The following HDAC4 variants were observed in gnomAD, a reference collection of about 807,000 sequenced individuals.
The protein encoded by HDAC4 is histone deacetylase A.
In HDAC4, 16 loss-of-function variants were observed where a neutral mutation model predicts 135.1. That is an observed-to-expected ratio of 0.12 (90% CI 0.08 to 0.18). The LOEUF (loss-of-function observed/expected upper bound fraction) is 0.18, where lower values mean the gene tolerates loss of function less well. HDAC4 is among the 10% of genes least tolerant of loss of function. The pLI is 1.00. For synonymous variants in HDAC4, 685 were observed against 653.4 expected, an observed-to-expected ratio of 1.05 and a Z score of -0.74; for missense variants, 1,143 against 1,511.8, an observed-to-expected ratio of 0.76 and a Z score of 4.05.
chr2:239,194,728 A>C (rs1404012275), intron 3 of HDAC4, among the ~76,000 whole-genome samples: 1 of 152,228 alleles, frequency 6.6e-6, no homozygotes, highest in Admixed American at 6.5e-5. Flanking sequence ...TGCAGACTGC[A>C]GCTGGGAAGC....
At chr2:239,158,010 C>T (rs1041333494) in intron 6 of HDAC4, among the ~76,000 whole-genome samples, 3 of 152,354 alleles carry the variant, frequency 2.0e-5, no homozygotes, top group Admixed American at 1.3e-4. Flanking sequence ...AGCAGCTTCT[C>T]GCTGTTTCCC....
At chr2:239,326,215 C>T (rs1230636337) in intron 2 of HDAC4, among the ~76,000 whole-genome samples, 1 of 152,064 alleles carries the variant, frequency 6.6e-6, no homozygotes, top group Non-Finnish European at 1.5e-5. Flanking sequence ...TCTGACCATG[C>T]CACAATACGA....
At chr2:239,286,414 G>A (rs1045367646) in intron 2 of HDAC4, among the ~76,000 whole-genome samples, 8 of 152,144 alleles carry the variant, frequency 5.3e-5, no homozygotes, top group Non-Finnish European at 1.2e-4. Flanking sequence ...CAAAAATGAA[G>A]GAGAGCCCAA....
chr2:239,388,939 T>C (rs1218528703), intron 1 of HDAC4, among the ~76,000 whole-genome samples: 1 of 152,208 alleles, frequency 6.6e-6, no homozygotes, highest in Non-Finnish European at 1.5e-5. Context: ...CACTGTGTGT[T>C]AGTCTCCACT....
intron 7 of HDAC4, among the ~76,000 whole-genome samples, chr2:239,145,489 G>A (rs1005482581): frequency 2.0e-5 from 3 of 152,324 alleles, no homozygotes; most frequent in South Asian, 2.1e-4. Context: ...CCAAACCTCC[G>A]GCGCGAGGCC....
chr2:239,164,866 C>T (rs2043031475), intron 5 of HDAC4, among the ~76,000 whole-genome samples: 1 of 152,176 alleles, frequency 6.6e-6, no homozygotes, highest in Admixed American at 6.5e-5. Context: ...GGCAAAGTGA[C>T]TACATCTAAC....
intron 6 of HDAC4, among the ~76,000 whole-genome samples, chr2:239,161,017 T>C (rs2042758820): frequency 6.6e-6 from 1 of 152,210 alleles, no homozygotes; most frequent in Non-Finnish European, 1.5e-5. Context: ...GCCGCAGTTT[T>C]GATTTGCATT....
rs2036867576 is a variant in HDAC4, at chr2:239,094,931, G to A, written c.2280+79C>T. 3 of 1,610,558 alleles carry A rather than the reference G, an allele frequency of 1.9e-6. No homozygotes were observed. In the Admixed American group the frequency reaches 5.0e-5, roughly 27 times the overall value. On this transcript the variant is annotated intron_variant, in intron 17 of 26. Coordinates refer to ENST00000543185, the MANE Select transcript of HDAC4 (RefSeq NM_001378414.1). ...CTGGCAGCAATTATTCACTTTGAGG[G>A]AAGCAAGGCTGCGATTTCTGTGACC...
At chr2:239,073,788 A>C (rs1436055750) in intron 22 of HDAC4, among the ~76,000 whole-genome samples, 1 of 152,100 alleles carries the variant, frequency 6.6e-6, no homozygotes, top group Non-Finnish European at 1.5e-5. Flanking sequence ...GAGGGGAGAA[A>C]TCAGTCTAGT....
chr2:239,110,325 C>T (rs2038556266), intron 14 of HDAC4, among the ~76,000 whole-genome samples: 2 of 152,206 alleles, frequency 1.3e-5, no homozygotes, highest in Admixed American at 1.3e-4. Context: ...TAAGAAAGGA[C>T]ACCAACGAAG....
intron 3 of HDAC4, among the ~76,000 whole-genome samples, chr2:239,198,710 C>G (rs1175725648): frequency 6.6e-6 from 1 of 152,206 alleles, no homozygotes; most frequent in Non-Finnish European, 1.5e-5. Flanking sequence ...TTGCCAGGCT[C>G]TCATTCGTGT....
At chr2:239,360,174 G>A (rs1233123564) in intron 1 of HDAC4, among the ~76,000 whole-genome samples, 1 of 152,218 alleles carries the variant, frequency 6.6e-6, no homozygotes, top group Non-Finnish European at 1.5e-5. Flanking sequence ...CACAGCCCTT[G>A]ACCAGGGAAG....
chr2:239,108,347 C>A (rs982722351), intron 14 of HDAC4, among the ~76,000 whole-genome samples, 164 bp from the exon 15 acceptor site: 2 of 152,234 alleles, frequency 1.3e-5, no homozygotes, highest in African/African-American at 2.4e-5. Flanking sequence ...GACTCCTTGA[C>A]TGGCCAGGCC....
intron 4 of HDAC4, among the ~76,000 whole-genome samples, chr2:239,179,746 A>G (rs2044021101): frequency 6.6e-6 from 1 of 152,228 alleles, no homozygotes; most frequent in African/African-American, 2.4e-5. Flanking sequence ...GGCAACCCCG[A>G]CAGAGTAGGG....
At chr2:239,383,168 C>G (rs4852062) in intron 1 of HDAC4, among the ~76,000 whole-genome samples, 131,516 of 152,176 alleles carry the variant, frequency 0.86, 56,896 homozygotes, top group East Asian at 0.94. Context: ...AAAGGCTCCC[C>G]TTGTCGAGGA....
intron 3 of HDAC4, among the ~76,000 whole-genome samples, chr2:239,234,926 A>C (rs2047796115): frequency 6.6e-6 from 1 of 152,214 alleles, no homozygotes; most frequent in Non-Finnish European, 1.5e-5. Flanking sequence ...CGCCTGGTTA[A>C]GCACAAGCAA....
At chr2:239,354,831 G>A (rs533635607) in intron 1 of HDAC4, among the ~76,000 whole-genome samples, 4 of 152,250 alleles carry the variant, frequency 2.6e-5, no homozygotes, top group African/African-American at 9.6e-5. Context: ...TTTTCTTGAA[G>A]GGAATGTAGA....
Position 239,400,949 on chromosome 2 carries a change from C to T in HDAC4, c.-220+29G>A, listed in dbSNP as rs1429627515. The stretch of plus-strand genomic sequence containing the variant: ...TCCGCGGCGGCGGCCCCACAACCTC[C>T]CCTCCTCATTCACAAAAAATTGACC... On this transcript the variant is annotated intron_variant, in intron 1 of 26. Coordinates refer to ENST00000543185, the MANE Select transcript of HDAC4 (RefSeq NM_001378414.1). The surrounding 1 kb of genome is among the most constrained non-coding windows in gnomAD (Gnocchi z 4.7). 6.6e-6 allele frequency: 1 copy of T among 151,598 alleles called. No homozygotes were observed. The highest frequency in any genetic ancestry group is 1.5e-5 in the Non-Finnish European group (1 of 67,576). 9.4% of individuals were successfully genotyped at this position (151,598 alleles called of 1,614,324 possible). A position where few individuals can be genotyped will look rare whatever the true frequency, so the allele number is the denominator to read the frequency against.
chr2:239,388,084 C>T lies in HDAC4; in HGVS notation c.-220+12894G>A, dbSNP rs967331288. Reference sequence around the variant, plus strand: ...CACCCACTGCAGAAACATGGCAGGACGCGGCTGGGCAGGTCCTCCCTGAAG... The same window carrying T: ...CACCCACTGCAGAAACATGGCAGGATGCGGCTGGGCAGGTCCTCCCTGAAG... On this transcript the variant is annotated intron_variant, in intron 1 of 26. Coordinates refer to ENST00000543185, the MANE Select transcript of HDAC4 (RefSeq NM_001378414.1). 7.2e-5 allele frequency among the ~76,000 whole-genome samples: 11 copies of T among 152,326 alleles called. 1 individual carries two copies. The highest frequency in any genetic ancestry group is 3.4e-3 in the Middle Eastern group (1 of 294).
Sources: allele counts gnomAD v4.1 joint callset (sites outside exome capture counted in the v4.1 genomes callset), GRCh38; gene constraint gnomAD v4.1.1; non-coding constraint Gnocchi (gnomAD v3.1); transcripts MANE v1.5; gene names NCBI Gene and HGNC (gene_info 2026-07-23, HGNC 2026-07-21).